KIAA1549L: variants seen among roughly 807,000 people sequenced by gnomAD.
The protein encoded by KIAA1549L is KIAA1549 like.
KIAA1549L carries 88 observed loss-of-function variants against 160.7 expected under a neutral mutation model. That is an observed-to-expected ratio of 0.55 (90% CI 0.46 to 0.65). The LOEUF (loss-of-function observed/expected upper bound fraction) is 0.65, where lower values mean the gene tolerates loss of function less well. Among genes scored for constraint, KIAA1549L ranks in the 30% least tolerant of loss-of-function variants. KIAA1549L has a pLI of 0.00. For missense variants in KIAA1549L, 2,258 were observed against 2,437.5 expected (o/e 0.93, Z 1.55); for synonymous variants, 950 against 976.7 (o/e 0.97, Z 0.51).
At chr11:33,589,955 T>C (rs1008236293) in intron 11 of KIAA1549L, among the ~76,000 whole-genome samples, 1 of 152,210 alleles carries the variant, frequency 6.6e-6, no homozygotes, top group Non-Finnish European at 1.5e-5. Flanking sequence ...CAAGTTCTGA[T>C]ATACTCTAAA....
chr11:33,427,376 G>C (rs1851139848), intron 1 of KIAA1549L, among the ~76,000 whole-genome samples: 1 of 152,130 alleles, frequency 6.6e-6, no homozygotes, highest in Non-Finnish European at 1.5e-5. Context: ...CTCTCAGGCT[G>C]TCGGGGTCCT....
intron 1 of KIAA1549L, among the ~76,000 whole-genome samples, chr11:33,396,642 C>T (rs1052000834): frequency 5.6e-4 from 9 of 16,064 alleles, no homozygotes; most frequent in Non-Finnish European, 1.1e-3. Flanking sequence ...ATAGCATTAA[C>T]TTTCTTTTTT....
At chr11:33,565,705 C>CTTTTTT (rs769888532) in intron 8 of KIAA1549L, among the ~76,000 whole-genome samples, 3 of 131,580 alleles carry the variant, frequency 2.3e-5, no homozygotes, top group Non-Finnish European at 1.6e-5. Context: ...TCCGTGGAGG[C>CTTTTTT]TTTTTTTTTT....
At chr11:33,389,100 G>T (rs1444922990) in intron 1 of KIAA1549L, among the ~76,000 whole-genome samples, 1 of 152,174 alleles carries the variant, frequency 6.6e-6, no homozygotes, top group Non-Finnish European at 1.5e-5. Context: ...ACACAAAATG[G>T]TTTTGGTATT....
rs60263071 is a variant in KIAA1549L at position 33,651,156 on chromosome 11, C to T, written c.5761-4856C>T. ...TTTTAGGACTTAGATATTCAAAATC[C>T]TAGGTTCTTGCAATTTAGTAGCTTT... On this transcript the variant is annotated intron_variant, in intron 17 of 20. Transcript: ENST00000658780. 7.3e-3 allele frequency among the ~76,000 whole-genome samples: 1,108 copies of T among 152,270 alleles called. 10 individuals carry two copies. The highest frequency in any genetic ancestry group is 0.025 in the African/African-American group (1,036 of 41,576).
At chr11:33,416,397 T>C (rs1055381926) in intron 1 of KIAA1549L, among the ~76,000 whole-genome samples, 7 of 152,034 alleles carry the variant, frequency 4.6e-5, no homozygotes, top group Non-Finnish European at 1.0e-4. Flanking sequence ...TCTTCCCTAG[T>C]AAATCTTTAT....
chr11:33,656,005 T>G lies in KIAA1549L; in HGVS notation c.5761-7T>G, dbSNP rs778005574. The G allele has an allele frequency of 6.2e-7, 1 of 1,609,194 alleles. No homozygotes were observed. Among genetic ancestry groups the G allele is most frequent in the East Asian group, 2.2e-5 (1 of 44,856 alleles). Reference sequence around the variant, plus strand: ...AACTCTCCCTGTATTGCTTGTCTCTTTCACAGGCTTACAGGTTTTCCCAGC... The same window carrying G: ...AACTCTCCCTGTATTGCTTGTCTCTGTCACAGGCTTACAGGTTTTCCCAGC... On this transcript the variant is annotated splice_region_variant and splice_polypyrimidine_tract_variant and intron_variant, in intron 17 of 20. Transcript: ENST00000658780.
chr11:33,650,412 T>C (rs1851851070), intron 17 of KIAA1549L, among the ~76,000 whole-genome samples: 1 of 152,140 alleles, frequency 6.6e-6, no homozygotes, highest in Admixed American at 6.5e-5. Flanking sequence ...GTAACTTTAT[T>C]TTTCTGTGAT....
intron 16 of KIAA1549L, among the ~76,000 whole-genome samples, chr11:33,630,042 G>C (rs115504336): frequency 0.044 from 6,639 of 152,100 alleles, 489 homozygotes; most frequent in African/African-American, 0.15. Flanking sequence ...TGGAGTACTG[G>C]ACCGTGTGAG....
At chr11:33,624,732 CTTT>C (rs935570970) in intron 16 of KIAA1549L, among the ~76,000 whole-genome samples, 1 of 127,096 alleles carries the variant, frequency 7.9e-6, no homozygotes, top group Admixed American at 7.7e-5. Flanking sequence ...AAGAGATTTT[CTTT>C]TTTTTTTTTT....
At chr11:33,419,334 C>T (rs897154464) in intron 1 of KIAA1549L, among the ~76,000 whole-genome samples, 1 of 152,182 alleles carries the variant, frequency 6.6e-6, no homozygotes, top group African/African-American at 2.4e-5. Context: ...GATACCTTGA[C>T]ATTTTTATCA....
chr11:33,657,959 C>T (rs1852125201), intron 18 of KIAA1549L, among the ~76,000 whole-genome samples: 2 of 152,210 alleles, frequency 1.3e-5, no homozygotes, highest in Admixed American at 1.3e-4. Flanking sequence ...GTCTTTGCCT[C>T]TCTCCCATTG....
At chr11:33,461,299 C>T (rs1362871993) in intron 1 of KIAA1549L, among the ~76,000 whole-genome samples, 1 of 152,146 alleles carries the variant, frequency 6.6e-6, no homozygotes, top group East Asian at 1.9e-4. Context: ...GGCACTTAAC[C>T]CATCTCACTC....
intron 1 of KIAA1549L, among the ~76,000 whole-genome samples, chr11:33,466,356 CAT>C (rs753845391): frequency 1.3e-5 from 2 of 152,338 alleles, no homozygotes; most frequent in Non-Finnish European, 1.5e-5. Context: ...AGCCAACAGA[CAT>C]ATGAGAAAAT....
intron 16 of KIAA1549L, among the ~76,000 whole-genome samples, chr11:33,630,783 A>G (rs1851264289): frequency 1.3e-5 from 2 of 152,062 alleles, no homozygotes; most frequent in South Asian, 4.1e-4. Context: ...AGCTGTTCCT[A>G]TTTGGCCATC....
At chr11:33,423,048 A>T (rs1445138197) in intron 1 of KIAA1549L, among the ~76,000 whole-genome samples, 1 of 152,244 alleles carries the variant, frequency 6.6e-6, no homozygotes, top group Non-Finnish European at 1.5e-5. Flanking sequence ...GTGGTGCTGA[A>T]ACAATTTCTT....
chr11:33,462,294 A>C (rs923619096), intron 1 of KIAA1549L, among the ~76,000 whole-genome samples: 1 of 152,236 alleles, frequency 6.6e-6, no homozygotes, highest in African/African-American at 2.4e-5. Flanking sequence ...AAAAGGTTAC[A>C]TTCATGGACT....
chr11:33,432,829 G>A (rs971637175), intron 1 of KIAA1549L, among the ~76,000 whole-genome samples: 9 of 152,124 alleles, frequency 5.9e-5, no homozygotes, highest in Admixed American at 4.6e-4. Flanking sequence ...AATAAGCAAC[G>A]GGGAAAGGAT....
In KIAA1549L at chr11:33,530,425, AAAAAAAAAAAAATATATATATATATAT is replaced by A. The variant is rs1337797811; in HGVS notation, c.239-11375_239-11349del. On this transcript the variant is annotated intron_variant, in intron 1 of 20. Transcript: ENST00000658780. ...TAAAGAAGAAGAAGGAAAAAAAAAA[AAAAAAAAAAAAATATATATATATATAT>A]ATATATATATATATATATATATATA... Among the ~76,000 whole-genome samples, 195 of 39,546 alleles carry A rather than the reference AAAAAAAAAAAAATATATATATATATAT, an allele frequency of 4.9e-3. 7 individuals are homozygous for A. The highest frequency in any genetic ancestry group is 0.024 in the South Asian group (31 of 1,280). The allele number at this position is 39,546 out of a possible 152,430, so 25.9% of individuals were successfully genotyped here.
Sources: allele counts gnomAD v4.1 joint callset (sites outside exome capture counted in the v4.1 genomes callset), GRCh38; gene constraint gnomAD v4.1.1; transcripts MANE v1.5; gene names NCBI Gene and HGNC (gene_info 2026-07-23, HGNC 2026-07-21).